The following RBBP6 variants were observed in gnomAD, a reference collection of about 807,000 sequenced individuals.
The protein encoded by RBBP6 is E3 ubiquitin-protein ligase RBBP6.
A neutral mutation model predicts 167.7 loss-of-function variants in RBBP6; 25 were observed. The observed-to-expected ratio is 0.15, with a 90% CI of 0.11 to 0.21. The LOEUF is 0.21. Among genes scored for constraint, RBBP6 ranks in the 10% least tolerant of loss-of-function variants. The probability of loss-of-function intolerance (pLI) is 1.00; values close to 1 mark genes in which losing one functional copy is unlikely to be tolerated. For missense variants in RBBP6, 1,868 were observed against 2,134.2 expected, an observed-to-expected ratio of 0.88 and a Z score of 2.46; for synonymous variants, 789 against 735.8, an observed-to-expected ratio of 1.07 and a Z score of -1.17.
At chr16:24,556,286 T>C (rs1293952374) in intron 6 of RBBP6, 22 bp from the exon 7 acceptor site, 1 of 1,527,686 alleles carries the variant, frequency 6.5e-7, no homozygotes, top group East Asian at 2.3e-5. Flanking sequence ...TTCCTCCTCC[T>C]CTTCCTTTTT....
At position 24,569,249 on chromosome 16, in the gene RBBP6, C is replaced by G. The variant is rs760316712; in HGVS notation, c.2559C>G (p.Pro853=). The G allele has an allele frequency of 6.2e-7, 1 of 1,612,850 alleles. No homozygotes were observed. Residue 853 remains proline, a synonymous_variant, in exon 17 of 18, where the codon CCC becomes CCG. Transcript: ENST00000319715. The part of the protein sequence containing the change: ...KGYAAGAQPR[P]SANRENFSPE... ...ATGCTGCTGGAGCACAGCCTAGACCCTCAGCAAATAGAGAGAACTTTTCTC... is the reference window on the plus strand; with the variant it reads ...ATGCTGCTGGAGCACAGCCTAGACCGTCAGCAAATAGAGAGAACTTTTCTC...
intron 1 of RBBP6, among the ~76,000 whole-genome samples, chr16:24,545,108 T>C (rs748781408): frequency 1.3e-5 from 2 of 152,094 alleles, no homozygotes; most frequent in Non-Finnish European, 2.9e-5. Context: ...AGACAGAGTC[T>C]TGCTCTGTCA....
chr16:24,571,295 T>C lies in RBBP6; in HGVS notation c.4229T>C (p.Val1410Ala), dbSNP rs768044609. The C allele has an allele frequency of 3.0e-5, 49 of 1,613,598 alleles. No homozygotes were observed. The South Asian group carries it at 4.7e-4, about 16-fold the overall frequency. The change falls in exon 18 of 18, where the codon GTG (valine) becomes GCG (alanine). Residue 1410 changes from valine to alanine, a missense_variant. Coordinates refer to ENST00000319715, the MANE Select transcript of RBBP6 (RefSeq NM_006910.5). ...AAAACCAAAGATCGAGATTATTCAG[T>C]GTTGGAAAAGGAGAACCCTGAAAAG... ...KGKTKDRDYS[V>A]LEKENPEKRK...
rs144231394 is a variant in RBBP6, at chr16:24,570,385, C to T, written c.3695C>T (p.Ser1232Phe). The stretch of plus-strand genomic sequence containing the variant: ...AATATATCAAACACAAAAGAACCCT[C>T]TGAAAAATTGGAGTCAACATCTAGC... ...TENISNTKEP[S>F]EKLESTSSKV... The change falls in exon 17 of 18, where the codon TCT becomes TTT. Residue 1232 changes from serine (S) to phenylalanine (F), a missense_variant. Ser to Phe is a radical substitution (Grantham distance 155). Around this residue, in one of 7 missense-constraint regions of RBBP6, gnomAD observed 673 missense variants for 691.5 expected, o/e 0.97. Coordinates refer to ENST00000319715, the MANE Select transcript of RBBP6 (RefSeq NM_006910.5). 6 of 1,612,770 alleles carry T rather than the reference C, an allele frequency of 3.7e-6. No homozygotes were observed. The African/African-American group carries it at 8.0e-5, about 22-fold the overall frequency.
chr16:24,562,102 T>A lies in RBBP6; in HGVS notation c.1230T>A (p.Pro410=). The change falls in exon 10 of 18, where the codon CCT becomes CCA. Residue 410 remains proline, a synonymous_variant. Coordinates refer to ENST00000319715, the MANE Select transcript of RBBP6 (RefSeq NM_006910.5). ...CGTCTTCTGCTCCAGCTCCTGTACC[T>A]GATATAACTGCAACAGTATCCATAT... is the stretch of plus-strand genomic sequence containing the variant. ...GNPSSAPAPV[P]DITATVSISV... 1 of 1,613,390 alleles carries A rather than the reference T, an allele frequency of 6.2e-7. No homozygotes were observed.
rs778848971 is a variant in RBBP6 at position 24,569,072 on chromosome 16, A to G, written c.2382A>G (p.Glu794=). ...RNVPQGETER[E]YFNRYREVPP... is the part of the protein sequence containing the mutation. ...TACCTCAAGGGGAAACAGAACGTGA[A>G]TATTTTAATAGATACAGAGAAGTTC... The change falls in exon 17 of 18, where the codon GAA becomes GAG. Residue 794 remains glutamate, a synonymous_variant. Transcript: ENST00000319715. 1.9e-5 allele frequency: 31 copies of G among 1,614,082 alleles called. No homozygotes were observed. The highest frequency in any genetic ancestry group is 1.4e-4 in the South Asian group (13 of 91,084).
rs1045522682 is a variant in RBBP6, at chr16:24,563,410, G to A, written c.1387-13G>A. On this transcript the variant is annotated splice_polypyrimidine_tract_variant and intron_variant, in intron 11 of 17. Transcript: ENST00000319715. ...TTTTAACTATTTCTGTTTATTTGTG[G>A]TTGTTTCTAAAGGGTTACCAGGTGC... The A allele has an allele frequency of 1.3e-6, 2 of 1,554,066 alleles. No individual in the cohort carries two copies. The highest frequency in any genetic ancestry group is 1.7e-6 in the Non-Finnish European group (2 of 1,154,658).
chr16:24,555,030 C>T (rs1188460614), intron 4 of RBBP6: 2 of 152,058 alleles, frequency 1.3e-5, no homozygotes, highest in African/African-American at 4.8e-5. Context: ...AACTAGAAAT[C>T]ACTCCCTTAG....
At chr16:24,564,092 T>C (rs1443907421) in intron 13 of RBBP6, among the ~76,000 whole-genome samples, 1 of 152,188 alleles carries the variant, frequency 6.6e-6, no homozygotes, top group African/African-American at 2.4e-5. Flanking sequence ...GATTAACGTC[T>C]ACCAAACAAA....
intron 3 of RBBP6, among the ~76,000 whole-genome samples, chr16:24,550,966 A>G (rs1178550414): frequency 2.0e-5 from 3 of 151,890 alleles, no homozygotes; most frequent in Non-Finnish European, 3.0e-5. Flanking sequence ...GCGCTAAGCC[A>G]AATTTTTCTT....
chr16:24,543,932 G>T (rs1898567734), intron 1 of RBBP6, among the ~76,000 whole-genome samples: 1 of 151,874 alleles, frequency 6.6e-6, no homozygotes, highest in Non-Finnish European at 1.5e-5. Context: ...AAGCAGAAAG[G>T]GTCTTTTGAA....
At chr16:24,561,521 CTG>C (rs1899055495) in intron 8 of RBBP6, 89 bp from the exon 9 acceptor site, 2 of 1,087,046 alleles carry the variant, frequency 1.8e-6, no homozygotes, top group South Asian at 1.4e-5. Flanking sequence ...AGTAATGTAA[CTG>C]AACAAATGTG....
Position 24,569,431 on chromosome 16 carries a change from C to T in RBBP6, c.2741C>T (p.Thr914Ile), listed in dbSNP as rs969799512. 6.2e-7 allele frequency: 1 copy of T among 1,613,648 alleles called. No homozygotes were observed. Among genetic ancestry groups the T allele is most frequent in the Non-Finnish European group, 8.5e-7 (1 of 1,179,940 alleles). Residue 914 changes from threonine to isoleucine, a missense_variant, in exon 17 of 18, where the codon ACA becomes ATA. Physicochemically the swap from Thr to Ile is moderately conservative, Grantham distance 89. Around this residue, in one of 7 missense-constraint regions of RBBP6, gnomAD observed 673 missense variants for 691.5 expected, o/e 0.97. Coordinates refer to ENST00000319715, the MANE Select transcript of RBBP6 (RefSeq NM_006910.5). The part of the protein sequence containing the change: ...ARDGHNQKDN[T>I]KSKEKESENA... ...GATGGTCACAATCAGAAGGATAATACAAAGTCAAAAGAGAAGGAGAGTGAA... is the reference window on the plus strand; with the variant it reads ...GATGGTCACAATCAGAAGGATAATATAAAGTCAAAAGAGAAGGAGAGTGAA...
chr16:24,569,915 A>T lies in RBBP6; in HGVS notation c.3225A>T (p.Ser1075=). ...CGAAGACTGACAATACTAAATCATC[A>T]TCTTCCTCTCAGAAGGATGAAAAAA... ...ETPKTDNTKS[S]SSSQKDEKIT... The change falls in exon 17 of 18, where the codon TCA becomes TCT. Residue 1075 remains serine (S), a synonymous_variant. Transcript: ENST00000319715. The T allele has an allele frequency of 6.2e-7, 1 of 1,609,496 alleles. No individual in the cohort carries two copies. The highest frequency in any genetic ancestry group is 8.5e-7 in the Non-Finnish European group (1 of 1,178,986).
chr16:24,548,246 T>G (rs1898708943), intron 2 of RBBP6, among the ~76,000 whole-genome samples: 1 of 152,164 alleles, frequency 6.6e-6, no homozygotes, highest in African/African-American at 2.4e-5. Flanking sequence ...TACACAGCCA[T>G]TTAAGTCAGT....
chr16:24,561,351 C>T (rs953061415), intron 8 of RBBP6, among the ~76,000 whole-genome samples: 1 of 152,134 alleles, frequency 6.6e-6, no homozygotes, highest in African/African-American at 2.4e-5. Context: ...CCAGCCTCCC[C>T]AGGAGTGGGG....
In RBBP6 at chr16:24,571,643, C is replaced by T; in HGVS notation, c.4577C>T (p.Thr1526Ile). Reference sequence around the variant, plus strand: ...GAGAGAGATTTGCCTAAAAAAGGAACAGGAGATTCCAAAAAAAGTAATTCT... The same window carrying T: ...GAGAGAGATTTGCCTAAAAAAGGAATAGGAGATTCCAAAAAAAGTAATTCT... ...REERDLPKKG[T>I]GDSKKSNSSP... The change falls in exon 18 of 18, where the codon ACA becomes ATA. Residue 1526 changes from threonine (T) to isoleucine (I), a missense_variant. Physicochemically the swap from Thr to Ile is moderately conservative, Grantham distance 89. Transcript: ENST00000319715. The T allele has an allele frequency of 1.2e-6, 2 of 1,613,146 alleles. No homozygotes were observed. Among genetic ancestry groups the T allele is most frequent in the Non-Finnish European group, 8.5e-7 (1 of 1,179,784 alleles).
intron 15 of RBBP6, 42 bp downstream of exon 15, chr16:24,567,547 T>C (rs1218369023): frequency 6.5e-7 from 1 of 1,539,778 alleles, no homozygotes; most frequent in Admixed American, 2.0e-5. Context: ...TTTTTTCATT[T>C]TCTGATAATA....
chr16:24,544,410 A>T (rs1218049194), intron 1 of RBBP6, among the ~76,000 whole-genome samples: 9 of 152,194 alleles, frequency 5.9e-5, no homozygotes, highest in Non-Finnish European at 8.8e-5. Flanking sequence ...TTCTACTTGA[A>T]GTATATAGAA....
Sources: gnomAD v4.1 joint callset for allele counts (sites outside exome capture counted in the v4.1 genomes callset) on GRCh38, gnomAD v4.1.1 for gene constraint, gnomAD v4.1.1 regional missense constraint, MANE v1.5 for transcripts, NCBI Gene and HGNC (gene_info 2026-07-23, HGNC 2026-07-21) for gene names.